The following MED4 variants were observed in gnomAD, a reference collection of about 807,000 sequenced individuals.
MED4 encodes the protein mediator of RNA polymerase II transcription subunit 4.
In MED4, 21 loss-of-function variants were observed where a neutral mutation model predicts 35.0. The observed-to-expected ratio is 0.60, with a 90% confidence interval of 0.43 to 0.86. The LOEUF is 0.86. Ranked by LOEUF, MED4 falls within the 40% of genes least tolerant of loss-of-function variation. MED4 has a pLI of 0.00. For synonymous variants in MED4, 138 were observed against 114.0 expected (o/e 1.21, Z -1.34); for missense variants, 300 against 319.4 (o/e 0.94, Z 0.46).
rs900673348 is a variant in MED4 at position 48,086,962 on chromosome 13, C to T, written c.193-510G>A. Among the ~76,000 whole-genome samples the T allele has an allele frequency of 2.6e-5, 4 of 151,586 alleles. No individual in the cohort carries two copies. The South Asian group carries it at 8.3e-4, about 31-fold the overall frequency. ...TCAGCAGGCTGAGGCAGGAGAATTG[C>T]ATGAGCCTGGGAGGTGGAGGTTGCA... On this transcript the variant is annotated intron_variant, in intron 2 of 6. Coordinates refer to ENST00000258648, the MANE Select transcript of MED4 (RefSeq NM_014166.4).
intron 3 of MED4, among the ~76,000 whole-genome samples, chr13:48,086,072 A>G (rs1950846349): frequency 6.6e-6 from 1 of 152,196 alleles, no homozygotes; most frequent in Non-Finnish European, 1.5e-5. Context: ...AATGTGGCTC[A>G]CAAGTAATGC....
intron 3 of MED4, among the ~76,000 whole-genome samples, chr13:48,085,282 C>T (rs553875928): frequency 6.6e-6 from 1 of 151,932 alleles, no homozygotes; most frequent in South Asian, 2.1e-4. Context: ...CGCGATTCTC[C>T]TGCCTCAGTC....
intron 5 of MED4, 122 bp downstream of exon 5, chr13:48,081,523 G>C (rs781102212): frequency 6.2e-4 from 350 of 562,378 alleles, no homozygotes; most frequent in Admixed American, 1.2e-3. Context: ...TTAAAGATGT[G>C]AAAATATGTG....
chr13:48,089,075 T>C (rs957666752), intron 2 of MED4, among the ~76,000 whole-genome samples: 132 of 152,376 alleles, frequency 8.7e-4, no homozygotes, highest in African/African-American at 3.1e-3. Flanking sequence ...CCTTGCATTT[T>C]ACTTCTTGCA....
At chr13:48,083,518 C>T (rs1950825851) in intron 3 of MED4, 90 bp from the exon 4 acceptor site, 2 of 928,476 alleles carry the variant, frequency 2.2e-6, no homozygotes, top group Non-Finnish European at 1.6e-6. Context: ...CTTTAGCCTA[C>T]AAGAACAATC....
At chr13:48,083,249 A>G (rs1173639223) in intron 4 of MED4, 122 bp downstream of exon 4, 7 of 737,354 alleles carry the variant, frequency 9.5e-6, no homozygotes, top group Admixed American at 6.2e-5. Context: ...CACACTTTAC[A>G]ATAAAAATTT....
chr13:48,077,269 G>A lies in MED4; in HGVS notation c.683C>T (p.Ser228Leu), dbSNP rs370599098. Residue 228 changes from serine to leucine, a missense_variant, in exon 7 of 7, where the codon TCG becomes TTG. Transcript: ENST00000258648. The stretch of plus-strand genomic sequence containing the variant: ...ATGATTTGGTGGTAACATATTCATC[G>A]ACATGTCATTTGACTGCCATGGATA... ...PQYPWQSNDM[S>L]MNMLPPNHSS... The A allele has an allele frequency of 8.9e-5, 140 of 1,566,198 alleles. No individual in the cohort carries two copies. Among genetic ancestry groups the A allele is most frequent in the Non-Finnish European group, 1.2e-4 (134 of 1,161,570 alleles).
chr13:48,088,541 G>A (rs1950869013), intron 2 of MED4, among the ~76,000 whole-genome samples: 1 of 152,180 alleles, frequency 6.6e-6, no homozygotes, highest in South Asian at 2.1e-4. Flanking sequence ...TATAAAAGCT[G>A]TATTATTAAA....
At chr13:48,091,806 A>T (rs997900077) in intron 1 of MED4, among the ~76,000 whole-genome samples, 1 of 152,230 alleles carries the variant, frequency 6.6e-6, no homozygotes, top group Non-Finnish European at 1.5e-5. Context: ...ATGTTTTATT[A>T]GAGACTACTG....
intron 3 of MED4, among the ~76,000 whole-genome samples, chr13:48,084,265 C>CAAAAAAAAAAAAAAAAA (rs71099664): frequency 9.1e-6 from 1 of 109,974 alleles, no homozygotes. Context: ...GACTCTGTCT[C>CAAAAAAAAAAAAAAAAA]AAAAAAAAAA....
At position 48,079,861 on chromosome 13, in the gene MED4, G is replaced by A. The variant is rs1371273333; in HGVS notation, c.623C>T (p.Ala208Val). The A allele has an allele frequency of 6.2e-7, 1 of 1,613,646 alleles. No individual in the cohort carries two copies. The highest frequency in any genetic ancestry group is 1.7e-5 in the Admixed American group (1 of 59,980). The part of the protein sequence containing the change: ...VNGHLPGDAL[A>V]AGRLPDVLAP... ...AACATTACCTGGCAATCTTCCTGCTGCAAGTGCATCTCCTGGTAAATGGCC... is the reference window on the plus strand; with the variant it reads ...AACATTACCTGGCAATCTTCCTGCTACAAGTGCATCTCCTGGTAAATGGCC... The change falls in exon 6 of 7, where the codon GCA becomes GTA. Residue 208 changes from alanine (A) to valine (V), a missense_variant. Coordinates refer to ENST00000258648, the MANE Select transcript of MED4 (RefSeq NM_014166.4).
chr13:48,086,779 G>C (rs1176228927), intron 2 of MED4, among the ~76,000 whole-genome samples: 1 of 152,226 alleles, frequency 6.6e-6, no homozygotes, highest in Non-Finnish European at 1.5e-5. Flanking sequence ...GCTGGGCACA[G>C]TGACTCATGC....
intron 1 of MED4, among the ~76,000 whole-genome samples, chr13:48,092,029 G>C (rs1455794503): frequency 6.6e-6 from 1 of 152,222 alleles, no homozygotes; most frequent in African/African-American, 2.4e-5. Context: ...AGCAAAGTGA[G>C]GATGTAGCAG....
chr13:48,086,468 C>A lies in MED4; in HGVS notation c.193-16G>T. 6.2e-7 allele frequency: 1 copy of A among 1,610,236 alleles called. No individual in the cohort carries two copies. Among genetic ancestry groups the A allele is most frequent in the South Asian group, 1.1e-5 (1 of 90,840 alleles). On this transcript the variant is annotated splice_polypyrimidine_tract_variant and intron_variant, in intron 2 of 6. Transcript: ENST00000258648. Reference sequence around the variant, plus strand: ...ACTCCAGGACCTGTCAGATAACAGTCAATTAAATCAGACAATAGACTACTG... The same window carrying A: ...ACTCCAGGACCTGTCAGATAACAGTAAATTAAATCAGACAATAGACTACTG...
intron 6 of MED4, among the ~76,000 whole-genome samples, chr13:48,078,104 C>T (rs1431481613): frequency 6.6e-6 from 1 of 151,936 alleles, no homozygotes; most frequent in Non-Finnish European, 1.5e-5. Flanking sequence ...TAAAAAAGGG[C>T]CCAAGTTACA....
Position 48,077,265 on chromosome 13 carries a change from C to T in MED4, c.687G>A (p.Met229Ile), listed in dbSNP as rs1418004217. The change falls in exon 7 of 7, where the codon ATG becomes ATA. Residue 229 changes from methionine to isoleucine, a missense_variant. By Grantham distance (10) the Met-to-Ile change is conservative (BLOSUM62 1). Transcript: ENST00000258648. ...TACTATGATTTGGTGGTAACATATT[C>T]ATCGACATGTCATTTGACTGCCATG... is the stretch of plus-strand genomic sequence containing the variant. ...QYPWQSNDMS[M>I]NMLPPNHSSD... The T allele has an allele frequency of 6.4e-7, 1 of 1,570,298 alleles. No individual in the cohort carries two copies. Among genetic ancestry groups the T allele is most frequent in the East Asian group, 2.3e-5 (1 of 42,586 alleles).
intron 1 of MED4, chr13:48,093,618 G>T (rs1201411085): frequency 2.1e-6 from 1 of 469,354 alleles, no homozygotes; most frequent in South Asian, 1.6e-5. Flanking sequence ...CTGTGAAGAA[G>T]TTCCAATGAT....
Position 48,086,385 on chromosome 13 carries a change from C to T in MED4, c.260G>A (p.Gly87Glu). Residue 87 changes from glycine (G) to glutamate (E), a missense_variant, in exon 3 of 7, where the codon GGA becomes GAA. Transcript: ENST00000258648. ...QELMKLALNQ[G>E]KIHHEMQVLE... The stretch of plus-strand genomic sequence containing the variant: ...AACTTGCATTTCATGATGAATTTTT[C>T]CCTGATTAAGTGCCAATTTCATTAG... 1 of 1,613,540 alleles carries T rather than the reference C, an allele frequency of 6.2e-7. No individual in the cohort carries two copies. The highest frequency in any genetic ancestry group is 8.5e-7 in the Non-Finnish European group (1 of 1,179,858).
At chr13:48,081,581 T>C in intron 5 of MED4, 64 bp downstream of exon 5, 1 of 1,096,870 alleles carries the variant, frequency 9.1e-7, no homozygotes, top group Non-Finnish European at 1.3e-6. Flanking sequence ...TCTATGTCTG[T>C]ACATAGTCAC....
Sources: allele counts gnomAD v4.1 joint callset (sites outside exome capture counted in the v4.1 genomes callset), GRCh38; gene constraint gnomAD v4.1.1; transcripts MANE v1.5; gene names NCBI Gene and HGNC (gene_info 2026-07-23, HGNC 2026-07-21).